Variants in TENT5D observed in about 807,000 individuals in gnomAD.
TENT5D encodes the protein cancer/testis antigen 112.
For missense variants in TENT5D, 191 were observed against 287.0 expected (o/e 0.67, Z 2.42); for synonymous variants, 103 against 100.6 (o/e 1.02, Z -0.15).
At chrX:80,401,952 T>TA (rs1054871214) in intron 3 of TENT5D, among the ~76,000 whole-genome samples, 7 of 112,062 alleles carry the variant, frequency 6.2e-5, no homozygotes, top group African/African-American at 2.3e-4. Flanking sequence ...AATTTTTTGA[T>TA]AAAGTTTGTG....
intron 3 of TENT5D, among the ~76,000 whole-genome samples, chrX:80,357,754 A>G (rs1465295092): frequency 9.0e-6 from 1 of 111,308 alleles, no homozygotes; most frequent in East Asian, 2.8e-4. Flanking sequence ...TAATTTATAG[A>G]TTCAGTGCCA....
At position 80,391,374 on chromosome X, in the gene TENT5D, G is replaced by T. The variant is rs776306628; in HGVS notation, c.-141-47236G>T. Among the ~76,000 whole-genome samples, 4 of 111,942 alleles carry T rather than the reference G, an allele frequency of 3.6e-5. No individual in the cohort carries two copies. The Admixed American group carries it at 3.8e-4, about 11-fold the overall frequency. ...TTGTGAAAAGATAAAAGCAAATAAA[G>T]AGGAATTAAATGATCTTACATTATA... On this transcript the variant is annotated intron_variant, in intron 3 of 4. Coordinates refer to the TENT5D transcript ENST00000538312.
intron 3 of TENT5D, among the ~76,000 whole-genome samples, chrX:80,347,887 A>G (rs751811876): frequency 1.8e-5 from 2 of 112,210 alleles, no homozygotes; most frequent in South Asian, 3.7e-4. Context: ...TGTTTTCTGC[A>G]TGTGGCTAGC....
chrX:80,382,459 G>A (rs1318636860), intron 3 of TENT5D, among the ~76,000 whole-genome samples: 2 of 112,069 alleles, frequency 1.8e-5, no homozygotes, highest in Admixed American at 9.4e-5. Flanking sequence ...CCCACTTGAG[G>A]AGGCAGTCCG....
At chrX:80,402,334 T>A (rs1931403545) in intron 3 of TENT5D, among the ~76,000 whole-genome samples, 1 of 111,827 alleles carries the variant, frequency 8.9e-6, no homozygotes, top group Non-Finnish European at 1.9e-5. Context: ...ATTTTGTTTG[T>A]CTTTTCAATA....
chrX:80,338,238 A>G (rs184607061), intron 2 of TENT5D, among the ~76,000 whole-genome samples: 3 of 111,850 alleles, frequency 2.7e-5, no homozygotes, highest in Non-Finnish European at 5.6e-5. Flanking sequence ...CAGGGCTACA[A>G]TAGTAGAGAC....
chrX:80,348,567 G>A (rs764266852), intron 3 of TENT5D, among the ~76,000 whole-genome samples: 50 of 111,548 alleles, frequency 4.5e-4, no homozygotes, highest in African/African-American at 1.5e-3. Context: ...GGGCTGAGAC[G>A]GTGGGGTTTT....
intron 1 of TENT5D, among the ~76,000 whole-genome samples, chrX:80,427,675 T>C (rs1405504259): frequency 8.9e-6 from 1 of 111,841 alleles, no homozygotes; most frequent in Non-Finnish European, 1.9e-5. Flanking sequence ...GTGGAACCAT[T>C]TAAGAATAGG....
intron 3 of TENT5D, among the ~76,000 whole-genome samples, chrX:80,406,260 G>C (rs1054637865): frequency 8.9e-6 from 1 of 112,069 alleles, no homozygotes; most frequent in South Asian, 3.7e-4. Context: ...GAATGACTTC[G>C]ACGAGCTGAG....
At chrX:80,380,895 G>T (rs1930850310) in intron 3 of TENT5D, among the ~76,000 whole-genome samples, 1 of 111,393 alleles carries the variant, frequency 9.0e-6, no homozygotes, top group African/African-American at 3.3e-5. Context: ...ACACTGATGG[G>T]TCTTGAATCT....
intron 2 of TENT5D, among the ~76,000 whole-genome samples, chrX:80,337,988 C>T (rs997483121): frequency 8.9e-6 from 1 of 112,040 alleles, no homozygotes; most frequent in African/African-American, 3.2e-5. Flanking sequence ...TAGTCTCAAA[C>T]TCCTGAGCTC....
intron 3 of TENT5D, among the ~76,000 whole-genome samples, chrX:80,410,178 C>A (rs2147552733): frequency 9.1e-6 from 1 of 109,966 alleles, no homozygotes; most frequent in East Asian, 2.9e-4. Flanking sequence ...AGGACATAGG[C>A]ATGGGCAAGG....
intron 2 of TENT5D, among the ~76,000 whole-genome samples, chrX:80,339,665 CAAAT>C (rs1435194232): frequency 3.7e-5 from 4 of 107,253 alleles, no homozygotes; most frequent in Non-Finnish European, 5.8e-5. Context: ...TTGGAAGTGA[CAAAT>C]AAACATAAGG....
exon 3 of TENT5D, chrX:80,443,356 A>G (rs779425399): frequency 2.5e-6 from 3 of 1,211,013 alleles, no homozygotes; most frequent in Admixed American, 2.2e-5. Context: ...TTTTCCTCAT[A>G]TAGAAGAACA....
At chrX:80,362,545 G>A (rs765000261) in intron 3 of TENT5D, among the ~76,000 whole-genome samples, 9 of 111,918 alleles carry the variant, frequency 8.0e-5, no homozygotes, top group Non-Finnish European at 1.5e-4. Flanking sequence ...TACTCCCTAT[G>A]TAGTAGCTGG....
chrX:80,345,836 A>G (rs922379892), intron 3 of TENT5D, among the ~76,000 whole-genome samples: 2 of 111,412 alleles, frequency 1.8e-5, no homozygotes, highest in Admixed American at 1.9e-4. Context: ...CAGGGTTTCC[A>G]TAAGGGTCCC....
intron 3 of TENT5D, among the ~76,000 whole-genome samples, chrX:80,400,784 G>A (rs183209222): frequency 3.6e-5 from 4 of 111,639 alleles, no homozygotes; most frequent in East Asian, 2.8e-4. Flanking sequence ...TATGGCATTC[G>A]GAATTGTGTC....
intron 3 of TENT5D, among the ~76,000 whole-genome samples, chrX:80,355,725 G>C (rs1930269873): frequency 8.9e-6 from 1 of 111,755 alleles, no homozygotes; most frequent in Admixed American, 9.5e-5. Context: ...ACCCTGTGTA[G>C]GGTTCCCAGC....
At chrX:80,375,129 A>C (rs1285365911) in intron 3 of TENT5D, among the ~76,000 whole-genome samples, 1 of 111,073 alleles carries the variant, frequency 9.0e-6, no homozygotes, top group African/African-American at 3.3e-5. Context: ...CTTGTAGTTT[A>C]AATTTTTTTC....
Sources: allele counts gnomAD v4.1 joint callset (sites outside exome capture counted in the v4.1 genomes callset), GRCh38; gene constraint gnomAD v4.1.1; transcripts MANE v1.5; gene names NCBI Gene and HGNC (gene_info 2026-07-23, HGNC 2026-07-21).